The following SLC36A1 variants were observed in gnomAD, a reference collection of about 807,000 sequenced individuals.
SLC36A1 encodes the protein proton-coupled amino acid transporter 1.
In SLC36A1, 30 loss-of-function variants were observed where a neutral mutation model predicts 47.5. That is an observed-to-expected ratio of 0.63 (90% CI 0.47 to 0.86). The LOEUF (loss-of-function observed/expected upper bound fraction) is 0.86, where lower values mean the gene tolerates loss of function less well. Among genes scored for constraint, SLC36A1 ranks in the 40% least tolerant of loss-of-function variants. The pLI, the probability that SLC36A1 is intolerant of heterozygous loss-of-function variation, is 0.00. For synonymous variants in SLC36A1, 255 were observed against 249.7 expected, an observed-to-expected ratio of 1.02 and a Z score of -0.20; for missense variants, 517 against 606.0, an observed-to-expected ratio of 0.85 and a Z score of 1.54.
At chr5:151,501,078 T>C in the SLC36A1 span, among the ~76,000 whole-genome samples, 1 of 151,996 alleles carries the variant, frequency 6.6e-6, no homozygotes, top group Non-Finnish European at 1.5e-5. Flanking sequence ...TGCCTTGGGG[T>C]CTTGCCCCTG....
At chr5:151,421,094 C>T in the SLC36A1 span, among the ~76,000 whole-genome samples, 3 of 151,664 alleles carry the variant, frequency 2.0e-5, no homozygotes, top group Non-Finnish European at 4.4e-5. Context: ...AGGATGGTCT[C>T]GATCTCCTGA....
the SLC36A1 span, among the ~76,000 whole-genome samples, chr5:151,389,215 C>A: frequency 6.6e-6 from 1 of 152,052 alleles, no homozygotes; most frequent in Non-Finnish European, 1.5e-5. Flanking sequence ...TGTAACCATT[C>A]CAGAGAATGT....
the SLC36A1 span, chr5:151,549,622 C>A: frequency 6.8e-6 from 5 of 736,430 alleles, no homozygotes; most frequent in East Asian, 8.0e-5. Flanking sequence ...GTAACTAACT[C>A]CCCATATTCT....
At chr5:151,429,402 T>C in the SLC36A1 span, among the ~76,000 whole-genome samples, 720 of 133,480 alleles carry the variant, frequency 5.4e-3, 6 homozygotes, top group Middle Eastern at 0.025. Flanking sequence ...CCTGTATCCA[T>C]GTGTTCTCAT....
chr5:151,427,535 G>C, the SLC36A1 span, among the ~76,000 whole-genome samples: 2 of 152,186 alleles, frequency 1.3e-5, no homozygotes, highest in Non-Finnish European at 2.9e-5. Context: ...ACTTTGTTAA[G>C]AGTTTTGTCA....
At chr5:151,518,348 C>CTAATAATAATAATAATAATAA in the SLC36A1 span, among the ~76,000 whole-genome samples, 2,086 of 101,428 alleles carry the variant, frequency 0.021, 63 homozygotes, top group African/African-American at 0.055. Flanking sequence ...GACCATGTCT[C>CTAATAATAATAATAATAATAA]TAATAATAAT....
chr5:151,477,056 A>G, intron 9 of SLC36A1: 1 of 450,212 alleles, frequency 2.2e-6, no homozygotes, highest in Non-Finnish European at 4.3e-6. Flanking sequence ...ACCATTCCAA[A>G]TAGACAGGGA....
At chr5:151,355,325 CAGGGGAA>C in the SLC36A1 span, among the ~76,000 whole-genome samples, 1 of 151,288 alleles carries the variant, frequency 6.6e-6, no homozygotes, top group Non-Finnish European at 1.5e-5. Flanking sequence ...CTTGAAACTG[CAGGGGAA>C]AGGGGAAAGA....
the SLC36A1 span, among the ~76,000 whole-genome samples, chr5:151,537,466 A>G: frequency 2.0e-5 from 3 of 152,064 alleles, no homozygotes; most frequent in African/African-American, 7.2e-5. Flanking sequence ...AGGGAAGGAA[A>G]GGAGAAACCA....
chr5:151,506,654 C>T, the SLC36A1 span, among the ~76,000 whole-genome samples: 1 of 152,192 alleles, frequency 6.6e-6, no homozygotes, highest in Non-Finnish European at 1.5e-5. Flanking sequence ...GTGAAAATAC[C>T]TATCATAACT....
At chr5:151,501,220 C>T in the SLC36A1 span, among the ~76,000 whole-genome samples, 15,590 of 152,246 alleles carry the variant, frequency 0.1, 978 homozygotes, top group Middle Eastern at 0.17. Context: ...ATTTTTTAAT[C>T]TGAATGGTTA....
chr5:151,549,500 TCGG>T, the SLC36A1 span: 1 of 1,614,174 alleles, frequency 6.2e-7, no homozygotes, highest in Non-Finnish European at 8.5e-7. Context: ...TTTCCTGGTC[TCGG>T]ACCTATGGGC....
the SLC36A1 span, among the ~76,000 whole-genome samples, chr5:151,410,597 AATT>A: frequency 6.2e-5 from 9 of 144,860 alleles, 2 homozygotes; most frequent in Non-Finnish European, 1.4e-4. Flanking sequence ...TAGTCTGAAA[AATT>A]ATTATATATG....
chr5:151,540,351 C>T, the SLC36A1 span, among the ~76,000 whole-genome samples: 1 of 151,818 alleles, frequency 6.6e-6, no homozygotes. Flanking sequence ...CTCCTTTCTC[C>T]TGCCCCTCAC....
chr5:151,472,145 C>G (rs1199970296), intron 7 of SLC36A1, among the ~76,000 whole-genome samples: 1 of 152,174 alleles, frequency 6.6e-6, no homozygotes, highest in Non-Finnish European at 1.5e-5. Flanking sequence ...TTAACTCACG[C>G]AATCACAGGT....
chr5:151,505,978 G>A, the SLC36A1 span: 16 of 1,573,496 alleles, frequency 1.0e-5, no homozygotes, highest in Non-Finnish European at 1.4e-5. Context: ...ATCACGACTG[G>A]GGTTGAGTGG....
the SLC36A1 span, chr5:151,542,790 G>T: frequency 5.0e-6 from 8 of 1,614,190 alleles, no homozygotes; most frequent in South Asian, 7.7e-5. Flanking sequence ...CAGAGACCAA[G>T]GACACCACAT....
the SLC36A1 span, among the ~76,000 whole-genome samples, chr5:151,384,159 C>T: frequency 4.6e-5 from 7 of 152,166 alleles, no homozygotes; most frequent in Non-Finnish European, 1.0e-4. Flanking sequence ...TAACATGTTG[C>T]ACCCTAGATT....
At chr5:151,458,752 C>G in intron 1 of SLC36A1, 36 bp from the exon 2 acceptor site, 2 of 1,601,046 alleles carry the variant, frequency 1.2e-6, no homozygotes, top group South Asian at 2.2e-5. Context: ...AAGGCTCCAG[C>G]TGCAGGAGGT....
Sources: gnomAD v4.1 joint callset for allele counts (sites outside exome capture counted in the v4.1 genomes callset) on GRCh38, gnomAD v4.1.1 for gene constraint, MANE v1.5 for transcripts, NCBI Gene and HGNC (gene_info 2026-07-23, HGNC 2026-07-21) for gene names.